The following HMBOX1 variants were observed in gnomAD, a reference collection of about 807,000 sequenced individuals.
The protein encoded by HMBOX1 is homeobox containing 1.
A neutral mutation model predicts 54.5 loss-of-function variants in HMBOX1; 14 were observed. The observed-to-expected ratio is 0.26, with a 90% CI of 0.17 to 0.40. The LOEUF is 0.40. Among genes scored for constraint, HMBOX1 ranks in the 10% least tolerant of loss-of-function variants. The pLI, the probability that HMBOX1 is intolerant of heterozygous loss-of-function variation, is 1.00. For missense variants in HMBOX1, 332 were observed against 514.4 expected (o/e 0.65, Z 3.43); for synonymous variants, 160 against 181.0 (o/e 0.88, Z 0.93).
intron 4 of HMBOX1, among the ~76,000 whole-genome samples, chr8:29,004,725 G>C (rs935957490): frequency 6.6e-6 from 1 of 152,150 alleles, no homozygotes; most frequent in Non-Finnish European, 1.5e-5. Flanking sequence ...GATAGGTTTT[G>C]AGGAACTAAA....
At chr8:29,009,523 C>CTTTTTTTTTTTT (rs10706846) in intron 5 of HMBOX1, 1 of 451,982 alleles carries the variant, frequency 2.2e-6, no homozygotes, top group Admixed American at 1.4e-4. Context: ...TTCCGTATCT[C>CTTTTTTTTTTTT]TTTTTTTTTT....
At chr8:28,977,156 A>G (rs1238803789) in intron 3 of HMBOX1, among the ~76,000 whole-genome samples, 3 of 152,190 alleles carry the variant, frequency 2.0e-5, no homozygotes, top group Non-Finnish European at 4.4e-5. Flanking sequence ...AATAATTTAC[A>G]AACTGGATAT....
intron 3 of HMBOX1, among the ~76,000 whole-genome samples, chr8:28,972,282 G>A (rs781586019): frequency 2.6e-5 from 4 of 152,074 alleles, no homozygotes; most frequent in Non-Finnish European, 5.9e-5. Context: ...GTGCGATCTC[G>A]GCTCACTGCA....
chr8:29,050,360 G>T (rs1208747763), intron 9 of HMBOX1: 5 of 329,192 alleles, frequency 1.5e-5, no homozygotes, highest in Non-Finnish European at 2.2e-5. Flanking sequence ...GAGCTGCGCG[G>T]GGAGGACAGC....
intron 4 of HMBOX1, among the ~76,000 whole-genome samples, chr8:28,983,831 C>T (rs1829780187): frequency 6.6e-6 from 1 of 152,202 alleles, no homozygotes; most frequent in African/African-American, 2.4e-5. Context: ...TTTCCTTTAT[C>T]TACTTCAGTT....
chr8:29,035,970 G>A (rs905186988), intron 6 of HMBOX1, among the ~76,000 whole-genome samples: 1 of 152,124 alleles, frequency 6.6e-6, no homozygotes, highest in Admixed American at 6.5e-5. Flanking sequence ...TTGTTACATA[G>A]TAATAAGACT....
chr8:29,037,088 GA>G (rs1206870634), intron 6 of HMBOX1, among the ~76,000 whole-genome samples: 1 of 152,120 alleles, frequency 6.6e-6, no homozygotes, highest in Non-Finnish European at 1.5e-5. Flanking sequence ...AAAACCTTAA[GA>G]TGCTGCAAAG....
chr8:28,928,738 G>A (rs915765395), intron 1 of HMBOX1, among the ~76,000 whole-genome samples: 6 of 152,338 alleles, frequency 3.9e-5, no homozygotes, highest in Admixed American at 2.0e-4. Context: ...CTTTCTATTT[G>A]TGGCAACATG....
At chr8:28,944,713 A>G (rs560907463) in intron 1 of HMBOX1, among the ~76,000 whole-genome samples, 80 of 152,278 alleles carry the variant, frequency 5.3e-4, no homozygotes, top group Non-Finnish European at 2.2e-4. Context: ...CCTGTTTCCA[A>G]TCCATCAAAA....
At chr8:29,042,662 GGATGGAA>G (rs1805014091) in intron 6 of HMBOX1, 1 of 456,236 alleles carries the variant, frequency 2.2e-6, no homozygotes, top group East Asian at 6.9e-5. Context: ...CCTGAGAGAA[GGATGGAA>G]GAAAATAAAT....
intron 5 of HMBOX1, among the ~76,000 whole-genome samples, chr8:29,014,847 T>G (rs1317596045): frequency 1.3e-5 from 2 of 152,054 alleles, no homozygotes; most frequent in South Asian, 2.1e-4. Context: ...ACCCAGCAAA[T>G]TTTTGTATTT....
In HMBOX1 at chr8:29,009,063, T is replaced by C; in HGVS notation, c.587-9T>C. Reference sequence around the variant, plus strand: ...GTGCCCCCCAAAACCTATTTCTCTTTCTACATAGGTATCAGTCAGAGCCGG... The same window carrying C: ...GTGCCCCCCAAAACCTATTTCTCTTCCTACATAGGTATCAGTCAGAGCCGG... On this transcript the variant is annotated splice_polypyrimidine_tract_variant and intron_variant, in intron 4 of 9. Coordinates refer to ENST00000287701, the MANE Select transcript of HMBOX1 (RefSeq NM_001135726.3). 1.9e-6 allele frequency: 3 copies of C among 1,598,318 alleles called. No homozygotes were observed. Among genetic ancestry groups the C allele is most frequent in the Non-Finnish European group, 2.6e-6 (3 of 1,167,396 alleles).
intron 1 of HMBOX1, among the ~76,000 whole-genome samples, chr8:28,936,733 T>C (rs1820462471): frequency 6.6e-6 from 1 of 151,406 alleles, no homozygotes; most frequent in South Asian, 2.1e-4. Flanking sequence ...CCATTATAAA[T>C]TTAAACTTAT....
chr8:28,985,082 G>C (rs1829968876), intron 4 of HMBOX1, among the ~76,000 whole-genome samples: 1 of 152,116 alleles, frequency 6.6e-6, no homozygotes, highest in African/African-American at 2.4e-5. Context: ...ATAAGATAAA[G>C]GACTTTGACT....
chr8:28,929,366 G>T (rs1819077196), intron 1 of HMBOX1, among the ~76,000 whole-genome samples: 1 of 152,176 alleles, frequency 6.6e-6, no homozygotes, highest in Admixed American at 6.5e-5. Context: ...GAGAAGGGAA[G>T]TGAGAAGGCA....
intron 2 of HMBOX1, among the ~76,000 whole-genome samples, chr8:28,967,492 A>G (rs1826631009): frequency 6.6e-6 from 1 of 152,204 alleles, no homozygotes; most frequent in African/African-American, 2.4e-5. Flanking sequence ...GCTAATACAG[A>G]GTGCTGCTCC....
intron 1 of HMBOX1, among the ~76,000 whole-genome samples, chr8:28,902,150 G>A (rs1380679843): frequency 1.3e-5 from 2 of 152,160 alleles, no homozygotes; most frequent in Non-Finnish European, 2.9e-5. Flanking sequence ...TGAATTTTCT[G>A]CTGACTTGCC....
intron 1 of HMBOX1, among the ~76,000 whole-genome samples, chr8:28,933,920 C>T (rs879358129): frequency 6.6e-6 from 1 of 152,260 alleles, no homozygotes; most frequent in Admixed American, 6.5e-5. Flanking sequence ...ATGCCAATTT[C>T]ATATAAACTC....
At chr8:28,936,774 A>G (rs1335236642) in intron 1 of HMBOX1, among the ~76,000 whole-genome samples, 7 of 150,016 alleles carry the variant, frequency 4.7e-5, no homozygotes, top group Non-Finnish European at 8.9e-5. Context: ...TATTTTTTCC[A>G]TCAAGGGCCA....
Sources: allele counts gnomAD v4.1 joint callset (sites outside exome capture counted in the v4.1 genomes callset), GRCh38; gene constraint gnomAD v4.1.1; transcripts MANE v1.5; gene names NCBI Gene and HGNC (gene_info 2026-07-23, HGNC 2026-07-21).